The following AIM2 variants were observed in gnomAD, a reference collection of about 807,000 sequenced individuals.
The protein encoded by AIM2 is interferon-inducible protein AIM2.
A neutral mutation model predicts 27.7 loss-of-function variants in AIM2; 30 were observed. The observed-to-expected ratio is 1.08, with a 90% CI of 0.81 to 1.47. AIM2 has a LOEUF of 1.47. Ranked by LOEUF, AIM2 falls within the 40% of genes most tolerant of loss-of-function variation. The pLI is 0.00. For synonymous variants in AIM2, 141 were observed against 145.3 expected, an observed-to-expected ratio of 0.97 and a Z score of 0.21; for missense variants, 358 against 411.3, an observed-to-expected ratio of 0.87 and a Z score of 1.12.
At chr1:159,056,736 A>C in the AIM2 span, among the ~76,000 whole-genome samples, 38 of 148,856 alleles carry the variant, frequency 2.6e-4, no homozygotes, top group African/African-American at 7.7e-4. Flanking sequence ...AAAAAAAAAA[A>C]AAAAAAAAAA....
At chr1:159,138,073 A>C (rs971843052) in intron 1 of AIM2, among the ~76,000 whole-genome samples, 1 of 152,206 alleles carries the variant, frequency 6.6e-6, no homozygotes, top group Non-Finnish European at 1.5e-5. Context: ...TATATTGATT[A>C]GTTTTCATTA....
chr1:159,088,995 C>T (rs1446163274), intron 1 of AIM2, among the ~76,000 whole-genome samples: 1 of 152,214 alleles, frequency 6.6e-6, no homozygotes, highest in Non-Finnish European at 1.5e-5. Flanking sequence ...ACAGGTATCT[C>T]CATTTTCACA....
rs149988514 is a variant in AIM2 at position 159,069,357 on chromosome 1, A to T, written c.263-656T>A. Among the ~76,000 whole-genome samples, 81 of 152,248 alleles carry T rather than the reference A, an allele frequency of 5.3e-4. No homozygotes were observed. In the East Asian group the frequency reaches 0.015, roughly 28 times the overall value. Reference sequence around the variant, plus strand: ...TAAGTATATAAGGCTTATAATGTACATAAATATTCATAGCAGCATTATTCA... The same window carrying T: ...TAAGTATATAAGGCTTATAATGTACTTAAATATTCATAGCAGCATTATTCA... On this transcript the variant is annotated intron_variant, in intron 2 of 5. Transcript: ENST00000368130.
chr1:159,099,502 T>C (rs1657267935), intron 1 of AIM2, among the ~76,000 whole-genome samples: 1 of 152,164 alleles, frequency 6.6e-6, no homozygotes, highest in Non-Finnish European at 1.5e-5. Flanking sequence ...CTTTGTTTTT[T>C]TTCCCTCCCA....
At chr1:159,118,843 TG>T (rs1163117643) in intron 1 of AIM2, among the ~76,000 whole-genome samples, 1 of 147,636 alleles carries the variant, frequency 6.8e-6, no homozygotes, top group Non-Finnish European at 1.5e-5. Flanking sequence ...AATAGTCTGG[TG>T]TTTGTGTTTT....
At chr1:159,128,593 G>A (rs556817385) in intron 1 of AIM2, among the ~76,000 whole-genome samples, 2 of 152,134 alleles carry the variant, frequency 1.3e-5, no homozygotes, top group African/African-American at 2.4e-5. Flanking sequence ...AAAGCCACTT[G>A]CCAGTATCCT....
chr1:159,119,674 C>T (rs1187398364), intron 1 of AIM2, among the ~76,000 whole-genome samples: 3 of 152,014 alleles, frequency 2.0e-5, no homozygotes, highest in African/African-American at 4.8e-5. Flanking sequence ...AAACAATAAC[C>T]GAATGTCAGG....
At chr1:159,062,198 T>G (rs1472837333), downstream of AIM2, among the ~76,000 whole-genome samples, 1 of 152,210 alleles carries the variant, frequency 6.6e-6, no homozygotes, top group Non-Finnish European at 1.5e-5. Flanking sequence ...AACACAAAAT[T>G]GTGTTATTAT....
rs1656225240 is a variant in AIM2 at position 159,068,715 on chromosome 1, G to A, written c.263-14C>T. 1.2e-6 allele frequency: 2 copies of A among 1,612,250 alleles called. No individual in the cohort carries two copies. The highest frequency in any genetic ancestry group is 1.7e-5 in the Admixed American group (1 of 59,686). ...ATTGCTTATCAACTGATTAAAAAATGAAAGACATGGCCAATAAGCATATAA... is the reference window on the plus strand; with the variant it reads ...ATTGCTTATCAACTGATTAAAAAATAAAAGACATGGCCAATAAGCATATAA... On this transcript the variant is annotated splice_polypyrimidine_tract_variant and intron_variant, in intron 2 of 5. Transcript: ENST00000368130.
chr1:159,120,512 C>G (rs1237641223), intron 1 of AIM2, among the ~76,000 whole-genome samples: 1 of 152,166 alleles, frequency 6.6e-6, no homozygotes, highest in African/African-American at 2.4e-5. Context: ...TCTCGTGCCA[C>G]AGAGCTGGCT....
chr1:159,070,702 T>TA (rs2101980390), intron 2 of AIM2, among the ~76,000 whole-genome samples: 1 of 152,340 alleles, frequency 6.6e-6, no homozygotes, highest in African/African-American at 2.4e-5. Context: ...ACTCTGTCAT[T>TA]ACCTTTCAAA....
chr1:159,075,164 AATC>A (rs2101990335), intron 1 of AIM2, among the ~76,000 whole-genome samples: 1 of 152,312 alleles, frequency 6.6e-6, no homozygotes, highest in African/African-American at 2.4e-5. Flanking sequence ...CTTGGTATAT[AATC>A]AAAGTGGCAT....
intron 1 of AIM2, among the ~76,000 whole-genome samples, chr1:159,125,401 C>A (rs1028701416): frequency 2.0e-5 from 3 of 152,126 alleles, no homozygotes; most frequent in African/African-American, 7.2e-5. Context: ...GAATGTAAGT[C>A]CATATAGTGA....
At chr1:159,113,929 T>A (rs1647257679) in intron 1 of AIM2, among the ~76,000 whole-genome samples, 1 of 152,238 alleles carries the variant, frequency 6.6e-6, no homozygotes. Context: ...TGTGTGCTAA[T>A]CCCTGGGAAA....
At chr1:159,101,255 T>C (rs1222979644) in intron 1 of AIM2, among the ~76,000 whole-genome samples, 1 of 152,050 alleles carries the variant, frequency 6.6e-6, no homozygotes, top group Non-Finnish European at 1.5e-5. Flanking sequence ...GATCTGATGG[T>C]TTTATGTGTC....
At chr1:159,083,501 T>C (rs986760426) in intron 1 of AIM2, among the ~76,000 whole-genome samples, 10 of 152,220 alleles carry the variant, frequency 6.6e-5, no homozygotes, top group Non-Finnish European at 1.5e-4. Flanking sequence ...CAATCAATAG[T>C]AATATATTAA....
chr1:159,135,709 A>T (rs1190024481), intron 1 of AIM2, among the ~76,000 whole-genome samples: 1 of 152,220 alleles, frequency 6.6e-6, no homozygotes. Context: ...TCCTTATTTA[A>T]AAGTGGTCTA....
At chr1:159,135,517 C>T (rs909726346) in intron 1 of AIM2, among the ~76,000 whole-genome samples, 1 of 152,130 alleles carries the variant, frequency 6.6e-6, no homozygotes, top group Non-Finnish European at 1.5e-5. Flanking sequence ...CCACTTGAGG[C>T]CCGGCTTCCT....
At chr1:159,123,983 C>T (rs2814781) in intron 1 of AIM2, among the ~76,000 whole-genome samples, 150,430 of 152,320 alleles carry the variant, frequency 0.99, 74,305 homozygotes, top group Middle Eastern at 1. Flanking sequence ...ATTTACTCCA[C>T]TTTCCCAGAT....
Sources: gnomAD v4.1 joint callset for allele counts (sites outside exome capture counted in the v4.1 genomes callset) on GRCh38, gnomAD v4.1.1 for gene constraint, MANE v1.5 for transcripts, NCBI Gene and HGNC (gene_info 2026-07-23, HGNC 2026-07-21) for gene names.